RALGDS: variants seen among roughly 807,000 people sequenced by gnomAD.
RALGDS encodes ral guanine nucleotide dissociation stimulator.
Under a neutral mutation model 99.8 loss-of-function variants are expected in RALGDS, and 44 were observed. The observed-to-expected ratio is 0.44, with a 90% confidence interval of 0.35 to 0.57. The LOEUF (loss-of-function observed/expected upper bound fraction) is 0.57. Among genes scored for constraint, RALGDS ranks in the 20% least tolerant of loss-of-function variants. The probability of loss-of-function intolerance (pLI) is 0.01; values close to 1 mark genes in which losing one functional copy is unlikely to be tolerated. For synonymous variants in RALGDS, 529 were observed against 505.0 expected, an observed-to-expected ratio of 1.05 and a Z score of -0.64; for missense variants, 1,022 against 1,203.1, an observed-to-expected ratio of 0.85 and a Z score of 2.23.
chr9:133,147,454 C>T (rs541030639), intron 1 of RALGDS, among the ~76,000 whole-genome samples: 2 of 152,298 alleles, frequency 1.3e-5, no homozygotes, highest in South Asian at 4.1e-4. Flanking sequence ...CAGAGCCACA[C>T]CCAAGCCCAA....
In RALGDS at chr9:133,120,976, G is replaced by A. The variant is rs538941689; in HGVS notation, c.179C>T (p.Pro60Leu). Reference sequence around the variant, plus strand: ...CGACCGCCCCAGCTCACCCACCTCCGGGCGCGGCAGGTCGGGGTCTAGCTG... The same window carrying A: ...CGACCGCCCCAGCTCACCCACCTCCAGGCGCGGCAGGTCGGGGTCTAGCTG... ...FTQLDPDLPR[P>L]ESSTQEIGEE... Residue 60 changes from proline to leucine, a missense_variant, in exon 1 of 18, where the codon CCG becomes CTG. Physicochemically the swap from Pro to Leu is moderately conservative, Grantham distance 98 (BLOSUM62 -3). Around this residue, in one of 3 missense-constraint regions of RALGDS, gnomAD observed 180 missense variants for 169.3 expected, o/e 1.06. Coordinates refer to ENST00000372050, the MANE Select transcript of RALGDS (RefSeq NM_006266.4). The A allele has an allele frequency of 3.9e-5, 58 of 1,483,668 alleles. No homozygotes were observed. In the African/African-American group the frequency reaches 6.7e-4, roughly 17 times the overall value. The allele number at this position is 1,483,668 out of a possible 1,614,324, so 91.9% of individuals were successfully genotyped here. A position where few individuals can be genotyped will look rare whatever the true frequency, so the allele number is the denominator to read the frequency against.
chr9:133,109,475 GC>G, intron 4 of RALGDS, 150 bp downstream of exon 4: 2 of 751,368 alleles, frequency 2.7e-6, no homozygotes, highest in South Asian at 1.5e-5. Flanking sequence ...TGCAGGCGAA[GC>G]CCCCAGACCC....
chr9:133,138,728 A>C (rs1185113949), intron 1 of RALGDS, among the ~76,000 whole-genome samples: 1 of 152,086 alleles, frequency 6.6e-6, no homozygotes, highest in Non-Finnish European at 1.5e-5. Flanking sequence ...TCTGCCTCCC[A>C]GGTTCAAGCA....
intron 1 of RALGDS, among the ~76,000 whole-genome samples, chr9:133,142,171 T>G (rs1244221923): frequency 6.6e-6 from 1 of 152,028 alleles, no homozygotes; most frequent in African/African-American, 2.4e-5. Context: ...GGGAGTGGAC[T>G]GGGGTGTCCC....
intron 14 of RALGDS, 133 bp from the exon 15 acceptor site, chr9:133,102,272 T>C: frequency 8.8e-7 from 1 of 1,140,448 alleles, no homozygotes; most frequent in Non-Finnish European, 1.3e-6. Context: ...CACAGCCATC[T>C]GGGAGAGCAT....
Position 133,108,209 on chromosome 9 carries a change from C to G in RALGDS, c.976G>C (p.Glu326Gln). 6.2e-7 allele frequency: 1 copy of G among 1,613,316 alleles called. No individual in the cohort carries two copies. The highest frequency in any genetic ancestry group is 8.5e-7 in the Non-Finnish European group (1 of 1,179,884). The change falls in exon 6 of 18, where the codon GAA (glutamate) becomes CAA (glutamine). Residue 326 changes from glutamate to glutamine, a missense_variant. By Grantham distance (29) the Glu-to-Gln change is conservative. Around this residue, in one of 3 missense-constraint regions of RALGDS, gnomAD observed 825 missense variants for 994.5 expected, o/e 0.83. Coordinates refer to ENST00000372050, the MANE Select transcript of RALGDS (RefSeq NM_006266.4). The part of the protein sequence containing the change: ...QQAPEPAVGL[E>Q]SAPAPALELE... ...TCCAGAGCTGGCGCTGGAGCCGATTCTAGTCCCACAGCTGGCTCTGGAGCC... is the reference window on the plus strand; with the variant it reads ...TCCAGAGCTGGCGCTGGAGCCGATTGTAGTCCCACAGCTGGCTCTGGAGCC...
intron 1 of RALGDS, among the ~76,000 whole-genome samples, chr9:133,142,018 C>T (rs1192514306): frequency 1.3e-5 from 2 of 152,230 alleles, no homozygotes; most frequent in Admixed American, 6.5e-5. Flanking sequence ...TGGCTGGCAC[C>T]GAGCCATCGC....
Position 133,117,779 on chromosome 9 carries a change from G to T in RALGDS, c.183+3193C>A, listed in dbSNP as rs73660449. On this transcript the variant is annotated intron_variant, in intron 1 of 17. Transcript: ENST00000372050. The stretch of plus-strand genomic sequence containing the variant: ...GCACCACGCCATGGGAGCCATCTGG[G>T]CGGCCAACCAGCAGCTCTTGGGAAC... 6.2e-3 allele frequency among the ~76,000 whole-genome samples: 946 copies of T among 152,376 alleles called. 11 individuals are homozygous for T. The highest frequency in any genetic ancestry group is 0.021 in the African/African-American group (860 of 41,590).
intron 17 of RALGDS, chr9:133,100,040 T>C: frequency 1.7e-6 from 1 of 602,248 alleles, no homozygotes; most frequent in Non-Finnish European, 3.0e-6. Flanking sequence ...TCCTCACTGA[T>C]GTGAGCTTTG....
upstream of RALGDS, among the ~76,000 whole-genome samples, chr9:133,132,644 T>C: frequency 7.0e-6 from 1 of 143,466 alleles, no homozygotes; most frequent in Admixed American, 6.8e-5. Flanking sequence ...TCTTTTTTTC[T>C]TTTTTTTTTG....
chr9:133,131,066 G>A (rs1832319895), exon 1 of RALGDS: 2 of 1,515,786 alleles, frequency 1.3e-6, no homozygotes, highest in Non-Finnish European at 1.8e-6. Flanking sequence ...GGGCTGTGGA[G>A]TGCCCCCACA....
At chr9:133,116,509 C>T (rs538954259) in intron 1 of RALGDS, among the ~76,000 whole-genome samples, 3 of 152,234 alleles carry the variant, frequency 2.0e-5, no homozygotes, top group East Asian at 1.9e-4. Flanking sequence ...CCAGGTCAGC[C>T]GCAAGCCTTG....
rs1374565541 is a variant in RALGDS, at chr9:133,105,877, CA to C, written c.1602+54del. 1.7e-4 allele frequency: 9 copies of C among 53,470 alleles called. 1 individual carries two copies. The highest frequency in any genetic ancestry group is 5.8e-4 in the African/African-American group (8 of 13,842). 3.3% of individuals were successfully genotyped at this position (53,470 alleles called of 1,614,324 possible). A position where few individuals can be genotyped will look rare whatever the true frequency, so the allele number is the denominator to read the frequency against. ...CCCGCCCCAGCCCCAGCCCCCGCCC[CA>C]GCCCCCGCCCCAGCCCCCGCCCCAG... On this transcript the variant is annotated intron_variant, in intron 9 of 17. Coordinates refer to ENST00000372050, the MANE Select transcript of RALGDS (RefSeq NM_006266.4).
At chr9:133,117,265 G>A (rs753803613) in intron 1 of RALGDS, among the ~76,000 whole-genome samples, 2 of 152,208 alleles carry the variant, frequency 1.3e-5, no homozygotes, top group Non-Finnish European at 2.9e-5. Flanking sequence ...CAGGAGAGCT[G>A]GCATCATGTC....
At chr9:133,129,902 A>G (rs541769282) in intron 1 of RALGDS, among the ~76,000 whole-genome samples, 9 of 136,480 alleles carry the variant, frequency 6.6e-5, no homozygotes, top group African/African-American at 2.5e-4. Context: ...TATAACCTCT[A>G]CCTCCCGGTT....
chr9:133,125,605 G>A (rs370583158), upstream of RALGDS, among the ~76,000 whole-genome samples: 44 of 152,214 alleles, frequency 2.9e-4, no homozygotes, highest in African/African-American at 9.4e-4. Flanking sequence ...GCATGGTGAC[G>A]CGTGCCTGTA....
intron 1 of RALGDS, chr9:133,129,549 TC>T: frequency 1.1e-6 from 1 of 950,694 alleles, no homozygotes; most frequent in Non-Finnish European, 1.4e-6. Flanking sequence ...CCTAGCTTTC[TC>T]CCTTAATTCT....
chr9:133,108,940 C>T (rs768057756), intron 4 of RALGDS, 74 bp from the exon 5 acceptor site: 21 of 1,441,212 alleles, frequency 1.5e-5, no homozygotes, highest in Non-Finnish European at 1.7e-5. Flanking sequence ...TGAGCCGGCC[C>T]CTGTCCATCT....
At chr9:133,145,448 T>C (rs2119278824) in intron 1 of RALGDS, among the ~76,000 whole-genome samples, 1 of 150,032 alleles carries the variant, frequency 6.7e-6, no homozygotes, top group Middle Eastern at 3.4e-3. Context: ...TATCCACCTT[T>C]GCTACTTCGT....
Sources: allele counts gnomAD v4.1 joint callset (sites outside exome capture counted in the v4.1 genomes callset), GRCh38; gene constraint gnomAD v4.1.1; regional missense constraint gnomAD v4.1.1; transcripts MANE v1.5; gene names NCBI Gene and HGNC (gene_info 2026-07-23, HGNC 2026-07-21).